Variants in KMO observed in about 807,000 individuals in gnomAD.
KMO encodes kynurenine 3-monooxygenase, also known as kynurenine 3-hydroxylase.
In KMO, 24 loss-of-function variants were observed where a neutral mutation model predicts 57.8. The ratio of observed to expected loss-of-function variants is 0.42; its 90% confidence interval spans 0.30 to 0.58. KMO has a LOEUF of 0.58. Ranked by LOEUF, KMO falls within the 20% of genes least tolerant of loss-of-function variation. The pLI is 0.22. For synonymous variants in KMO, 210 were observed against 193.6 expected (o/e 1.08, Z -0.70); for missense variants, 483 against 588.2 (o/e 0.82, Z 1.85).
rs148994782 is a variant in KMO at position 241,582,666 on chromosome 1, C to G, written c.958-4013C>G. On this transcript the variant is annotated intron_variant, in intron 10 of 14. Coordinates refer to ENST00000366559, the MANE Select transcript of KMO (RefSeq NM_003679.5). ...TATCTGATACAATTCTGAATTCCTTCTCTGTATTATCTTGATGTTTGTTGA... is the reference window on the plus strand; with the variant it reads ...TATCTGATACAATTCTGAATTCCTTGTCTGTATTATCTTGATGTTTGTTGA... Among the ~76,000 whole-genome samples the G allele has an allele frequency of 7.3e-3, 1,109 of 152,244 alleles. 12 individuals carry two copies. Among genetic ancestry groups the G allele is most frequent in the African/African-American group, 0.025 (1,058 of 41,532 alleles).
intron 7 of KMO, among the ~76,000 whole-genome samples, chr1:241,564,279 A>G (rs1044379711): frequency 2.0e-5 from 3 of 152,216 alleles, no homozygotes; most frequent in African/African-American, 4.8e-5. Context: ...GCATATTTCT[A>G]TGTATATAAT....
intron 7 of KMO, 146 bp downstream of exon 7, chr1:241,562,478 T>C: frequency 1.4e-6 from 1 of 737,760 alleles, no homozygotes; most frequent in Non-Finnish European, 2.3e-6. Context: ...ATAAATGGGA[T>C]GCATGGGTAT....
chr1:241,556,789 T>G (rs1052971039), intron 5 of KMO, among the ~76,000 whole-genome samples: 1 of 152,014 alleles, frequency 6.6e-6, no homozygotes, highest in Non-Finnish European at 1.5e-5. Context: ...CTCGGGAGGC[T>G]GAGGCAGGAG....
At position 241,532,628 on chromosome 1, in the gene KMO, TA is replaced by T. The variant is rs1341774646; in HGVS notation, c.54+131del. On this transcript the variant is annotated intron_variant, in intron 1 of 14. Transcript: ENST00000366559. ...GAAAACTCTGATATTTAAATACAGC[TA>T]TTTTGTTTATTTTTTTAATATTTTT... 2.9e-5 allele frequency: 18 copies of T among 621,506 alleles called. No individual in the cohort carries two copies. In the South Asian group the frequency reaches 2.9e-4, roughly 10 times the overall value. The allele number at this position is 621,506 out of a possible 1,614,324, so 38.5% of individuals were successfully genotyped here. A position where few individuals can be genotyped will look rare whatever the true frequency, so the allele number is the denominator to read the frequency against.
chr1:241,568,443 T>C (rs949127418), intron 9 of KMO, 57 bp from the exon 10 acceptor site: 94 of 1,512,512 alleles, frequency 6.2e-5, no homozygotes, highest in Non-Finnish European at 8.4e-5. Context: ...TGAAAGAATT[T>C]AGCAGGATTT....
chr1:241,568,441 T>C, intron 9 of KMO, 59 bp from the exon 10 acceptor site: 1 of 1,507,550 alleles, frequency 6.6e-7, no homozygotes, highest in Non-Finnish European at 9.1e-7. Context: ...CCTGAAAGAA[T>C]TTAGCAGGAT....
intron 5 of KMO, among the ~76,000 whole-genome samples, chr1:241,556,371 G>A (rs758350477): frequency 2.0e-5 from 3 of 152,136 alleles, no homozygotes; most frequent in Non-Finnish European, 4.4e-5. Flanking sequence ...CCTGGCTCAA[G>A]TGATTCTCCC....
intron 4 of KMO, among the ~76,000 whole-genome samples, chr1:241,553,471 G>C (rs1029609007): frequency 2.0e-5 from 3 of 152,138 alleles, no homozygotes; most frequent in African/African-American, 7.2e-5. Flanking sequence ...TGGATTGCTT[G>C]AGCCCAGGAG....
chr1:241,553,110 C>T (rs1661472662), intron 4 of KMO, among the ~76,000 whole-genome samples: 1 of 152,194 alleles, frequency 6.6e-6, no homozygotes, highest in Non-Finnish European at 1.5e-5. Context: ...ATATATCTAA[C>T]CTTTTTTAGG....
intron 1 of KMO, among the ~76,000 whole-genome samples, chr1:241,539,883 AT>A (rs368992703): frequency 8.5e-5 from 13 of 152,302 alleles, no homozygotes; most frequent in African/African-American, 3.1e-4. Flanking sequence ...GTGAGATTTT[AT>A]CAAAAGAAAC....
chr1:241,562,860 AAAGAAG>A (rs1661906834), intron 7 of KMO, among the ~76,000 whole-genome samples: 1 of 102,556 alleles, frequency 9.8e-6, no homozygotes, highest in Admixed American at 1.0e-4. Context: ...GGAAGGAAGG[AAAGAAG>A]GAAGGAAGGA....
chr1:241,578,223 C>A (rs559709181), intron 10 of KMO, among the ~76,000 whole-genome samples: 5 of 152,244 alleles, frequency 3.3e-5, no homozygotes, highest in African/African-American at 1.2e-4. Flanking sequence ...AAGTCCTCTT[C>A]TCCAAGACTC....
intron 7 of KMO, 100 bp from the exon 8 acceptor site, chr1:241,564,887 T>C (rs1662016644): frequency 1.4e-6 from 1 of 710,496 alleles, no homozygotes; most frequent in South Asian, 1.7e-5. Context: ...GTGTAGATGC[T>C]ACTGGTTTTA....
In KMO at chr1:241,591,991, A is replaced by C. The variant is rs769640158; in HGVS notation, c.1299A>C (p.Ile433=). The change falls in exon 15 of 15, where the codon ATA becomes ATC. Residue 433 remains isoleucine (I), a synonymous_variant. Transcript: ENST00000366559. ...GACTCTTTTTCTTGGGATCACTGATAGCCATCAGCAGTACCTACCTACTTA... is the reference window on the plus strand; with the variant it reads ...GACTCTTTTTCTTGGGATCACTGATCGCCATCAGCAGTACCTACCTACTTA... ...NKGLFFLGSL[I]AISSTYLLIH... The C allele has an allele frequency of 6.2e-7, 1 of 1,614,024 alleles. No individual in the cohort carries two copies. Among genetic ancestry groups the C allele is most frequent in the East Asian group, 2.2e-5 (1 of 44,872 alleles).
chr1:241,594,600 T>C lies in KMO; in HGVS notation c.*2447T>C. On this transcript the variant is annotated 3_prime_UTR_variant, in exon 15 of 15. Transcript: ENST00000366559. ...CTGTGACATCACAATGGGTCTGATC[T>C]GCATTTCACTTCCAGCTGCTGGTAG... The C allele has an allele frequency of 3.7e-6, 6 of 1,614,140 alleles. No individual in the cohort carries two copies. Among genetic ancestry groups the C allele is most frequent in the Non-Finnish European group, 5.1e-6 (6 of 1,179,998 alleles).
intron 4 of KMO, among the ~76,000 whole-genome samples, chr1:241,554,880 G>A (rs1661553695): frequency 6.6e-6 from 1 of 151,552 alleles, no homozygotes; most frequent in Non-Finnish European, 1.5e-5. Context: ...TAGTTGGGAA[G>A]CTGAGGCAGG....
At position 241,594,288 on chromosome 1, in the gene KMO, T is replaced by C; in HGVS notation, c.*2135T>C. ...AACCTCTTCCTGAGGCCCAAGAGCA[T>C]ATGGGCAATTCGGATTTCCTGCTGG... On this transcript the variant is annotated 3_prime_UTR_variant, in exon 15 of 15. Transcript: ENST00000366559. 1.1e-6 allele frequency: 1 copy of C among 892,606 alleles called. No individual in the cohort carries two copies. 55.3% of individuals were successfully genotyped at this position (892,606 alleles called of 1,614,324 possible). A position where few individuals can be genotyped will look rare whatever the true frequency, so the allele number is the denominator to read the frequency against.
Position 241,574,200 on chromosome 1 carries a change from C to T in KMO, c.957+5553C>T, listed in dbSNP as rs1310526491. ...CTTTAGGGTTTTCTAAGTATACAAA[C>T]ATATCATCAGCAAACATTGATCTTT... On this transcript the variant is annotated intron_variant, in intron 10 of 14. Transcript: ENST00000366559. 2.6e-5 allele frequency among the ~76,000 whole-genome samples: 4 copies of T among 152,082 alleles called. No homozygotes were observed. In the East Asian group the frequency reaches 7.7e-4, roughly 29 times the overall value.
At position 241,549,713 on chromosome 1, in the gene KMO, T is replaced by G. The variant is rs1434668559; in HGVS notation, c.161T>G (p.Ile54Ser). 1.2e-6 allele frequency: 2 copies of G among 1,613,498 alleles called. No homozygotes were observed. Among genetic ancestry groups the G allele is most frequent in the African/African-American group, 2.7e-5 (2 of 74,894 alleles). The change falls in exon 3 of 15, where the codon ATT becomes AGT. Residue 54 changes from isoleucine (I) to serine (S), a missense_variant. By Grantham distance (142) the Ile-to-Ser change is moderately radical (BLOSUM62 -2). This residue lies in a region of KMO where 70 missense variants were observed against 78.4 expected (regional missense o/e 0.89). Coordinates refer to ENST00000366559, the MANE Select transcript of KMO (RefSeq NM_003679.5). ...GCTACCTTCACACGTGGAAGAAGCA[T>G]TAACTTAGCCCTTTCTCATAGAGGA... is the stretch of plus-strand genomic sequence containing the variant. The part of the protein sequence containing the change: ...RVATFTRGRS[I>S]NLALSHRGRQ...
Sources: gnomAD v4.1 joint callset for allele counts (sites outside exome capture counted in the v4.1 genomes callset) on GRCh38, gnomAD v4.1.1 for gene constraint, gnomAD v4.1.1 regional missense constraint, MANE v1.5 for transcripts, NCBI Gene and HGNC (gene_info 2026-07-23, HGNC 2026-07-21) for gene names.